Variants in MIGA2 observed in about 807,000 individuals in gnomAD.
MIGA2 encodes the protein mitoguardin 2, also known as family with sequence similarity 73, member B.
Under a neutral mutation model 69.9 loss-of-function variants are expected in MIGA2, and 36 were observed. That is an observed-to-expected ratio of 0.52 (90% CI 0.39 to 0.68). The LOEUF (loss-of-function observed/expected upper bound fraction) is 0.68, where lower values mean the gene tolerates loss of function less well. Ranked by LOEUF, MIGA2 falls within the 30% of genes least tolerant of loss-of-function variation. MIGA2 has a pLI of 0.00. For missense variants in MIGA2, 660 were observed against 787.7 expected (o/e 0.84, Z 1.94); for synonymous variants, 333 against 349.2 (o/e 0.95, Z 0.52).
At position 129,060,341 on chromosome 9, in the gene MIGA2, G is replaced by C. The variant is rs1254896458; in HGVS notation, c.794-209G>C. The C allele has an allele frequency of 3.3e-5, 17 of 519,998 alleles. No individual in the cohort carries two copies. Among genetic ancestry groups the C allele is most frequent in the Non-Finnish European group, 5.5e-5 (16 of 289,374 alleles). 32.2% of individuals were successfully genotyped at this position (519,998 alleles called of 1,614,324 possible). On this transcript the variant is annotated intron_variant, in intron 7 of 15. Transcript: ENST00000684074. The surrounding 1 kb of genome is among the most constrained non-coding windows in gnomAD (Gnocchi z 4.8). ...GCTGACGACCTCCGAGGATGTCGTGGGTGTTGAAGGAGGTCACTCACTGAG... is the reference window on the plus strand; with the variant it reads ...GCTGACGACCTCCGAGGATGTCGTGCGTGTTGAAGGAGGTCACTCACTGAG...
chr9:129,049,603 G>T, intron 5 of MIGA2, 105 bp downstream of exon 5: 1 of 1,281,084 alleles, frequency 7.8e-7, no homozygotes. Context: ...TCACTACCCT[G>T]CCCCAAATCC....
intron 11 of MIGA2, 28 bp downstream of exon 11, chr9:129,063,659 A>G (rs751521588): frequency 1.9e-6 from 3 of 1,604,906 alleles, no homozygotes; most frequent in African/African-American, 1.3e-5. Context: ...GGGGGGGCAA[A>G]TTATAAAATG....
chr9:129,067,981 A>G (rs747579547), intron 12 of MIGA2, 110 bp downstream of exon 12: 2 of 1,330,224 alleles, frequency 1.5e-6, no homozygotes, highest in Non-Finnish European at 2.1e-6. Flanking sequence ...AGACGGTTCC[A>G]TCACTGCTCA....
rs1333682186 is a variant in MIGA2 at position 129,071,267 on chromosome 9, G to T, written c.*814G>T. 6.6e-6 allele frequency: 1 copy of T among 152,534 alleles called. No homozygotes were observed. The highest frequency in any genetic ancestry group is 1.5e-5 in the Non-Finnish European group (1 of 68,314). 9.4% of individuals were successfully genotyped at this position (152,534 alleles called of 1,614,324 possible). ...TCACCTGTGGGCCCGGGGACCACTT[G>T]GGGGAGGTCAGAGGATGTATGTGGC... On this transcript the variant is annotated 3_prime_UTR_variant, in exon 16 of 16. Transcript: ENST00000684074.
At chr9:129,042,560 T>C in intron 3 of MIGA2, 46 bp downstream of exon 3, 1 of 1,524,022 alleles carries the variant, frequency 6.6e-7, no homozygotes, top group Non-Finnish European at 8.8e-7. Flanking sequence ...GGTCACATCC[T>C]GGGGTCATAT....
intron 6 of MIGA2, 120 bp downstream of exon 6, chr9:129,050,083 A>C (rs971495673): frequency 3.8e-6 from 5 of 1,310,820 alleles, no homozygotes; most frequent in Non-Finnish European, 5.2e-6. Context: ...ATTTCCCTCT[A>C]TGAGGGTGTC....
intron 1 of MIGA2, among the ~76,000 whole-genome samples, chr9:129,037,276 G>A (rs760724622): frequency 6.6e-6 from 1 of 152,104 alleles, no homozygotes; most frequent in African/African-American, 2.4e-5. Context: ...CATTAGTGGG[G>A]TGGTCTAGCG....
chr9:129,062,614 C>G (rs1407045144), intron 9 of MIGA2, among the ~76,000 whole-genome samples: 1 of 151,416 alleles, frequency 6.6e-6, no homozygotes, highest in Non-Finnish European at 1.5e-5. Context: ...GAGGCCAAAG[C>G]AGGCAGATCA....
Position 129,061,407 on chromosome 9 carries a change from G to A in MIGA2, c.1010+61G>A. 6.8e-7 allele frequency: 1 copy of A among 1,467,462 alleles called. No individual in the cohort carries two copies. The highest frequency in any genetic ancestry group is 9.3e-7 in the Non-Finnish European group (1 of 1,075,408). The allele number at this position is 1,467,462 out of a possible 1,614,324, so 90.9% of individuals were successfully genotyped here. ...GAGGCGATGGGTGATTCTGGCCCTT[G>A]CGGGAGGCGGAGAAGCCAGCGGTGC... On this transcript the variant is annotated intron_variant, in intron 9 of 15. Transcript: ENST00000684074. The surrounding 1 kb of genome is among the most constrained non-coding windows in gnomAD (Gnocchi z 5.0).
At chr9:129,048,603 C>A in intron 4 of MIGA2, 64 bp downstream of exon 4, 1 of 1,275,236 alleles carries the variant, frequency 7.8e-7, no homozygotes, top group Non-Finnish European at 1.1e-6. Context: ...GAGGACTCTG[C>A]CCTCAGCAAG....
chr9:129,061,186 G>A lies in MIGA2; in HGVS notation c.895-45G>A. 1 of 1,542,496 alleles carries A rather than the reference G, an allele frequency of 6.5e-7. No homozygotes were observed. Among genetic ancestry groups the A allele is most frequent in the African/African-American group, 1.4e-5 (1 of 73,422 alleles). The stretch of plus-strand genomic sequence containing the variant: ...AGGTGCCCTTGCGCCGTGGCGTGCT[G>A]CTCACATGGGCTTCCCTGGTCTCTT... On this transcript the variant is annotated intron_variant, in intron 8 of 15. Coordinates refer to ENST00000684074, the MANE Select transcript of MIGA2 (RefSeq NM_001329990.2). This position sits in a 1 kb window ranked among gnomAD's most constrained non-coding sequence, Gnocchi z 5.0.
chr9:129,069,004 G>T lies in MIGA2; in HGVS notation c.1405-72G>T. Reference sequence around the variant, plus strand: ...AGCTGGGTTTAAGGGCTTGGTGCTGGGCTGGCAGAGGGCGAGGGGCTGTGG... The same window carrying T: ...AGCTGGGTTTAAGGGCTTGGTGCTGTGCTGGCAGAGGGCGAGGGGCTGTGG... On this transcript the variant is annotated intron_variant, in intron 13 of 15. Coordinates refer to ENST00000684074, the MANE Select transcript of MIGA2 (RefSeq NM_001329990.2). This position sits in a 1 kb window ranked among gnomAD's most constrained non-coding sequence, Gnocchi z 4.9. 1 of 1,581,132 alleles carries T rather than the reference G, an allele frequency of 6.3e-7. No individual in the cohort carries two copies. The highest frequency in any genetic ancestry group is 8.7e-7 in the Non-Finnish European group (1 of 1,150,528).
chr9:129,059,044 C>A lies in MIGA2; in HGVS notation c.676-110C>A. On this transcript the variant is annotated intron_variant, in intron 6 of 15. Coordinates refer to ENST00000684074, the MANE Select transcript of MIGA2 (RefSeq NM_001329990.2). This position sits in a 1 kb window ranked among gnomAD's most constrained non-coding sequence, Gnocchi z 5.6. ...GTTTTGGAGTTTATGTGCTTAGCTG[C>A]TGGGTCCTAGAGCTCCTCCCCTTTC... is the stretch of plus-strand genomic sequence containing the variant. The A allele has an allele frequency of 3.4e-6, 3 of 876,660 alleles. No homozygotes were observed. The highest frequency in any genetic ancestry group is 1.6e-5 in the South Asian group (1 of 62,954). 54.3% of individuals were successfully genotyped at this position (876,660 alleles called of 1,614,324 possible).
intron 3 of MIGA2, among the ~76,000 whole-genome samples, chr9:129,045,029 C>A (rs1398045233): frequency 9.2e-5 from 14 of 151,954 alleles, no homozygotes. Flanking sequence ...GAAACCCTGT[C>A]TCTACTAAAA....
intron 11 of MIGA2, among the ~76,000 whole-genome samples, chr9:129,065,825 C>A (rs80186366): frequency 0.033 from 4,947 of 152,076 alleles, 191 homozygotes; most frequent in South Asian, 0.098. Flanking sequence ...GAGGTCATCA[C>A]CTGACTCATC....
Position 129,069,120 on chromosome 9 carries a change from G to T in MIGA2, c.1449G>T (p.Arg483Ser). 2 of 1,613,990 alleles carry T rather than the reference G, an allele frequency of 1.2e-6. No individual in the cohort carries two copies. Among genetic ancestry groups the T allele is most frequent in the Non-Finnish European group, 1.7e-6 (2 of 1,179,972 alleles). Residue 483 changes from arginine (R) to serine (S), a missense_variant, in exon 14 of 16, where the codon AGG becomes AGT. Physicochemically the swap from Arg to Ser is moderately radical, Grantham distance 110 (BLOSUM62 -1). This residue lies in a region of MIGA2 where 220 missense variants were observed against 301.7 expected (regional missense o/e 0.73). Transcript: ENST00000684074. The surrounding 1 kb of genome is among the most constrained non-coding windows in gnomAD (Gnocchi z 4.9). ...ACWSVLKAKR[R>S]LLMVPDGFIS... ...GGTCGGTCCTGAAAGCCAAGAGGAG[G>T]CTGCTGATGGTGAGTGACTGGCAGG...
intron 1 of MIGA2, among the ~76,000 whole-genome samples, chr9:129,037,264 G>A (rs1220946521): frequency 1.3e-5 from 2 of 152,142 alleles, no homozygotes; most frequent in Non-Finnish European, 2.9e-5. Context: ...ACAGGCCAGA[G>A]TCATTAGTGG....
At position 129,063,293 on chromosome 9, in the gene MIGA2, C is replaced by T. The variant is rs771919452; in HGVS notation, c.1060C>T (p.His354Tyr). The T allele has an allele frequency of 3.7e-6, 6 of 1,614,114 alleles. No homozygotes were observed. In the South Asian group the frequency reaches 5.5e-5, roughly 15 times the overall value. The change falls in exon 10 of 16, where the codon CAC becomes TAC. Residue 354 changes from histidine (H) to tyrosine (Y), a missense_variant. His to Tyr is a moderately conservative substitution (Grantham distance 83). Coordinates refer to ENST00000684074, the MANE Select transcript of MIGA2 (RefSeq NM_001329990.2). ...YSDQDFLAKL[H>Y]CVRQAFEGLL... Reference sequence around the variant, plus strand: ...TGACCAGGACTTTCTGGCCAAGCTGCACTGTGTGCGGCAGGCCTTCGAGGT... The same window carrying T: ...TGACCAGGACTTTCTGGCCAAGCTGTACTGTGTGCGGCAGGCCTTCGAGGT...
intron 2 of MIGA2, among the ~76,000 whole-genome samples, chr9:129,041,327 G>C (rs1028098114): frequency 6.8e-6 from 1 of 148,058 alleles, no homozygotes; most frequent in Admixed American, 6.7e-5. Context: ...GCGAGACTCC[G>C]CCTCAAAAAA....
Sources: gnomAD v4.1 joint callset for allele counts (sites outside exome capture counted in the v4.1 genomes callset) on GRCh38, gnomAD v4.1.1 for gene constraint, gnomAD v4.1.1 regional missense constraint, Gnocchi (gnomAD v3.1) non-coding constraint, MANE v1.5 for transcripts, NCBI Gene and HGNC (gene_info 2026-07-23, HGNC 2026-07-21) for gene names.